ZNF521: variants seen among roughly 807,000 people sequenced by gnomAD.
ZNF521 encodes the protein LYST-interacting protein 3.
A neutral mutation model predicts 105.5 loss-of-function variants in ZNF521; 14 were observed. The ratio of observed to expected loss-of-function variants is 0.13; its 90% CI spans 0.09 to 0.21. The LOEUF is 0.21. Among genes scored for constraint, ZNF521 ranks in the 10% least tolerant of loss-of-function variants. The probability of loss-of-function intolerance (pLI) is 1.00; values close to 1 mark genes in which losing one functional copy is unlikely to be tolerated. For synonymous variants in ZNF521, 635 were observed against 606.0 expected (o/e 1.05, Z -0.70); for missense variants, 1,233 against 1,629.7 (o/e 0.76, Z 4.19).
intron 5 of ZNF521, among the ~76,000 whole-genome samples, chr18:25,142,626 C>T (rs1255297130): frequency 6.6e-6 from 1 of 152,028 alleles, no homozygotes; most frequent in Non-Finnish European, 1.5e-5. Flanking sequence ...GCAATGGAAC[C>T]TTGAGAACCC....
At chr18:25,342,194 C>G (rs1290237273) in intron 2 of ZNF521, among the ~76,000 whole-genome samples, 1 of 152,082 alleles carries the variant, frequency 6.6e-6, no homozygotes, top group East Asian at 1.9e-4. Flanking sequence ...TATGCACTCC[C>G]TTGAGCCCAC....
At chr18:25,197,650 G>A (rs1439980292) in intron 4 of ZNF521, among the ~76,000 whole-genome samples, 3 of 151,744 alleles carry the variant, frequency 2.0e-5, no homozygotes, top group Non-Finnish European at 4.4e-5. Flanking sequence ...AAAATTATGA[G>A]AGAATTCTTC....
chr18:25,331,116 T>C (rs1913542668), intron 2 of ZNF521, among the ~76,000 whole-genome samples: 1 of 152,200 alleles, frequency 6.6e-6, no homozygotes, highest in Non-Finnish European at 1.5e-5. Context: ...GATTCAACAA[T>C]GACACATTTG....
intron 5 of ZNF521, among the ~76,000 whole-genome samples, chr18:25,173,983 A>G (rs1007036094): frequency 6.6e-6 from 1 of 152,194 alleles, no homozygotes; most frequent in African/African-American, 2.4e-5. Flanking sequence ...TTTCCGAAAG[A>G]CTGAAAATAC....
rs115356134 is a variant in ZNF521 at position 25,300,404 on chromosome 18, T to C, written c.220+21604A>G. Among the ~76,000 whole-genome samples, 440 of 152,324 alleles carry C rather than the reference T, an allele frequency of 2.9e-3. 1 individual carries two copies. Among genetic ancestry groups the C allele is most frequent in the African/African-American group, 9.9e-3 (413 of 41,590 alleles). ...TACTTTATTGTAGCAATATGATAGG[T>C]AGACATATACACACTCGATGACAAT... On this transcript the variant is annotated intron_variant, in intron 3 of 7. Coordinates refer to ENST00000361524, the MANE Select transcript of ZNF521 (RefSeq NM_015461.3).
chr18:25,319,643 G>A (rs1032655157), intron 3 of ZNF521, among the ~76,000 whole-genome samples: 4 of 151,624 alleles, frequency 2.6e-5, no homozygotes, highest in African/African-American at 9.7e-5. Flanking sequence ...TTATGAATAT[G>A]TAGATATTTA....
intron 2 of ZNF521, among the ~76,000 whole-genome samples, chr18:25,344,065 T>C (rs1431443305): frequency 6.6e-6 from 1 of 152,150 alleles, no homozygotes; most frequent in Non-Finnish European, 1.5e-5. Context: ...AAACTGAAGC[T>C]ACTGAAGTTT....
intron 5 of ZNF521, among the ~76,000 whole-genome samples, chr18:25,155,017 G>A (rs775592210): frequency 6.6e-6 from 1 of 152,092 alleles, no homozygotes; most frequent in Non-Finnish European, 1.5e-5. Flanking sequence ...CAACAGACAA[G>A]GGTTTCCTTT....
intron 3 of ZNF521, among the ~76,000 whole-genome samples, chr18:25,290,231 A>C (rs916307053): frequency 1.1e-4 from 17 of 152,230 alleles, no homozygotes; most frequent in African/African-American, 4.1e-4. Flanking sequence ...AATAGTATCA[A>C]GATGAACTGC....
chr18:25,351,036 T>A (rs1914730359), intron 1 of ZNF521, 89 bp from the exon 2 acceptor site: 2 of 1,122,452 alleles, frequency 1.8e-6, no homozygotes, highest in Non-Finnish European at 2.3e-6. Context: ...CCGCGGCGCC[T>A]CGCGCCCTCC....
chr18:25,188,923 A>AT (rs1468139608), intron 5 of ZNF521, among the ~76,000 whole-genome samples: 3 of 152,232 alleles, frequency 2.0e-5, no homozygotes, highest in Non-Finnish European at 4.4e-5. Flanking sequence ...AATTAACATC[A>AT]TAAGAAATGT....
intron 5 of ZNF521, among the ~76,000 whole-genome samples, chr18:25,128,195 C>T (rs1344386691): frequency 6.6e-6 from 1 of 151,446 alleles, no homozygotes; most frequent in Admixed American, 6.6e-5. Flanking sequence ...TGTAATCTAT[C>T]ATGTCAAGAG....
chr18:25,266,459 A>C (rs2144917857), intron 3 of ZNF521, among the ~76,000 whole-genome samples: 1 of 152,310 alleles, frequency 6.6e-6, no homozygotes, highest in East Asian at 1.9e-4. Flanking sequence ...ATTTGCTGGC[A>C]AGATGGCTGA....
chr18:25,214,868 A>C (rs2036253639), intron 4 of ZNF521, among the ~76,000 whole-genome samples: 1 of 152,158 alleles, frequency 6.6e-6, no homozygotes, highest in African/African-American at 2.4e-5. Context: ...ACAAAAGAAT[A>C]ATCAATGGCT....
chr18:25,215,156 T>C (rs370197724), intron 4 of ZNF521, among the ~76,000 whole-genome samples: 67 of 152,154 alleles, frequency 4.4e-4, no homozygotes, highest in African/African-American at 1.3e-3. Flanking sequence ...TAATAGGAAA[T>C]AGGAATTCCT....
intron 3 of ZNF521, among the ~76,000 whole-genome samples, chr18:25,254,784 T>C (rs1173696473): frequency 6.6e-6 from 1 of 152,160 alleles, no homozygotes; most frequent in Non-Finnish European, 1.5e-5. Flanking sequence ...GCTTGTTTGA[T>C]TACAGATCTT....
At chr18:25,073,861 T>A (rs2033284349) in intron 7 of ZNF521, among the ~76,000 whole-genome samples, 1 of 148,470 alleles carries the variant, frequency 6.7e-6, no homozygotes, top group Non-Finnish European at 1.5e-5. Context: ...TATAAATCAT[T>A]AAGAATAACA....
rs542292381 is a variant in ZNF521, at chr18:25,303,587, C to T, written c.220+18421G>A. ...CTGGGATTACAAGCATGAGCCACCA[C>T]GCCTGGCCTGAAACAAACTTCTTTC... is the stretch of plus-strand genomic sequence containing the variant. On this transcript the variant is annotated intron_variant, in intron 3 of 7. Coordinates refer to ENST00000361524, the MANE Select transcript of ZNF521 (RefSeq NM_015461.3). Among the ~76,000 whole-genome samples the T allele has an allele frequency of 2.0e-5, 3 of 152,220 alleles. No homozygotes were observed. The South Asian group carries it at 6.2e-4, about 32-fold the overall frequency.
Position 25,226,904 on chromosome 18 carries a change from G to C in ZNF521, c.1014C>G (p.Cys338Trp), listed in dbSNP as rs374916725. The C allele has an allele frequency of 7.4e-6, 12 of 1,613,724 alleles. No homozygotes were observed. Among genetic ancestry groups the C allele is most frequent in the Admixed American group, 1.7e-5 (1 of 59,992 alleles). ...HMDSHQQPESCNHSNSPSLVT... is the reference protein window; with the variant it reads ...HMDSHQQPESWNHSNSPSLVT... ...CCAGGGAAGGGCTGTTGCTGTGATTGCATGACTCCGGTTGCTGGTGACTGT... is the reference window on the plus strand; with the variant it reads ...CCAGGGAAGGGCTGTTGCTGTGATTCCATGACTCCGGTTGCTGGTGACTGT... Residue 338 changes from cysteine to tryptophan, a missense_variant, in exon 4 of 8, where the codon TGC becomes TGG. Physicochemically the swap from Cys to Trp is radical, Grantham distance 215 (BLOSUM62 -2). Transcript: ENST00000361524. This position sits in a 1 kb window ranked among gnomAD's most constrained non-coding sequence, Gnocchi z 4.1.
Sources: gnomAD v4.1 joint callset for allele counts (sites outside exome capture counted in the v4.1 genomes callset) on GRCh38, gnomAD v4.1.1 for gene constraint, Gnocchi (gnomAD v3.1) non-coding constraint, MANE v1.5 for transcripts, NCBI Gene and HGNC (gene_info 2026-07-23, HGNC 2026-07-21) for gene names.